ATF6: variants seen among roughly 807,000 people sequenced by gnomAD.
The protein encoded by ATF6 is cyclic AMP-dependent transcription factor ATF-6 alpha.
ATF6 carries 53 observed loss-of-function variants against 83.6 expected under a neutral mutation model. The observed-to-expected ratio is 0.63, with a 90% confidence interval of 0.51 to 0.80. The LOEUF is 0.80. ATF6 is among the 30% of genes least tolerant of loss of function. The pLI is 0.00. For synonymous variants in ATF6, 288 were observed against 285.8 expected (o/e 1.01, Z -0.08); for missense variants, 744 against 797.9 (o/e 0.93, Z 0.81).
chr1:161,903,003 T>G (rs1687817605), intron 14 of ATF6, among the ~76,000 whole-genome samples: 1 of 152,186 alleles, frequency 6.6e-6, no homozygotes, highest in Non-Finnish European at 1.5e-5. Context: ...CTACCTCTTT[T>G]CATCTTTCCA....
intron 9 of ATF6, among the ~76,000 whole-genome samples, chr1:161,842,882 C>A (rs1013986210): frequency 5.9e-5 from 9 of 152,212 alleles, no homozygotes; most frequent in African/African-American, 2.2e-4. Context: ...TCCTACCACA[C>A]AGTTCAAAAA....
In ATF6 at chr1:161,829,189, C is replaced by CTTTTTTTTTTTTTTT. The variant is rs35619050; in HGVS notation, c.1187+8039_1187+8053dup. Among the ~76,000 whole-genome samples the CTTTTTTTTTTTTTTT allele has an allele frequency of 3.7e-4, 27 of 72,594 alleles. 3 individuals are homozygous for CTTTTTTTTTTTTTTT. The highest frequency in any genetic ancestry group is 1.7e-3 in the East Asian group (3 of 1,754). The allele number at this position is 72,594 out of a possible 152,430, so 47.6% of individuals were successfully genotyped here. On this transcript the variant is annotated intron_variant, in intron 9 of 15. Coordinates refer to ENST00000367942, the MANE Select transcript of ATF6 (RefSeq NM_007348.4). ...ACTCCCACACAATCATAATGGGAGA[C>CTTTTTTTTTTTTTTT]TTTTTTTTTTTTTTTTTTTTTTTTT... is the stretch of plus-strand genomic sequence containing the variant.
chr1:161,819,892 C>G, intron 8 of ATF6, 74 bp downstream of exon 8: 1 of 1,279,390 alleles, frequency 7.8e-7, no homozygotes, highest in Non-Finnish European at 1.0e-6. Flanking sequence ...GAAACTTTTA[C>G]ATTTTAAATT....
At chr1:161,829,416 C>T (rs1319100234) in intron 9 of ATF6, among the ~76,000 whole-genome samples, 2 of 152,156 alleles carry the variant, frequency 1.3e-5, no homozygotes, top group East Asian at 3.9e-4. Context: ...ACCTAATATA[C>T]ATCTACAGAA....
chr1:161,957,343 C>G (rs553692087), intron 15 of ATF6, among the ~76,000 whole-genome samples: 1 of 152,138 alleles, frequency 6.6e-6, no homozygotes, highest in Non-Finnish European at 1.5e-5. Context: ...CCCCACACCC[C>G]GCTCTGGATT....
At chr1:161,828,019 G>A (rs1009469910) in intron 9 of ATF6, among the ~76,000 whole-genome samples, 11 of 152,040 alleles carry the variant, frequency 7.2e-5, no homozygotes, top group African/African-American at 1.9e-4. Context: ...ATGTGAATTG[G>A]TTAAAAAGAA....
chr1:161,775,802 A>C (rs949673086), intron 1 of ATF6, among the ~76,000 whole-genome samples: 1 of 152,150 alleles, frequency 6.6e-6, no homozygotes, highest in African/African-American at 2.4e-5. Context: ...TTTAGTATCC[A>C]AGATCTGGTC....
chr1:161,916,865 C>G (rs748568605), intron 15 of ATF6, among the ~76,000 whole-genome samples: 3 of 152,216 alleles, frequency 2.0e-5, no homozygotes, highest in Non-Finnish European at 4.4e-5. Flanking sequence ...GTTGTCACTA[C>G]TTCAAAAAAT....
intron 10 of ATF6, among the ~76,000 whole-genome samples, chr1:161,850,405 G>A (rs1345425986): frequency 6.6e-6 from 1 of 151,924 alleles, no homozygotes; most frequent in Non-Finnish European, 1.5e-5. Flanking sequence ...TTCTATAGAG[G>A]CGGCGTCTTC....
chr1:161,926,659 C>G lies in ATF6; in HGVS notation c.1804+14279C>G, dbSNP rs185219571. Among the ~76,000 whole-genome samples the G allele has an allele frequency of 5.2e-4, 79 of 152,190 alleles. 1 individual carries two copies. The highest frequency in any genetic ancestry group is 3.4e-3 in the Middle Eastern group (1 of 294). On this transcript the variant is annotated intron_variant, in intron 15 of 15. Transcript: ENST00000367942. ...AACCCTCGTACATTGTGGGAGGGGA[C>G]TGTACAAGGGTATGAATACCAGAAA...
intron 10 of ATF6, among the ~76,000 whole-genome samples, chr1:161,850,926 G>T (rs563547782): frequency 6.6e-6 from 1 of 151,924 alleles, no homozygotes; most frequent in Non-Finnish European, 1.5e-5. Flanking sequence ...TGCTCCCTAC[G>T]TCACACCTTG....
At chr1:161,769,565 T>A (rs1684338451) in intron 1 of ATF6, among the ~76,000 whole-genome samples, 1 of 152,158 alleles carries the variant, frequency 6.6e-6, no homozygotes, top group Non-Finnish European at 1.5e-5. Context: ...ATGATTCAAG[T>A]GCATTACATT....
chr1:161,928,890 G>A (rs190545929), intron 15 of ATF6, among the ~76,000 whole-genome samples: 73 of 152,132 alleles, frequency 4.8e-4, no homozygotes, highest in African/African-American at 1.6e-3. Context: ...GAAATCTTCC[G>A]CCCCCTATTC....
chr1:161,845,228 T>C (rs1686453893), intron 9 of ATF6, among the ~76,000 whole-genome samples: 1 of 152,204 alleles, frequency 6.6e-6, no homozygotes, highest in African/African-American at 2.4e-5. Flanking sequence ...AAACTACTAT[T>C]ATCTCAAAGA....
intron 7 of ATF6, among the ~76,000 whole-genome samples, chr1:161,810,944 C>CT (rs1685439927): frequency 6.6e-6 from 1 of 151,862 alleles, no homozygotes; most frequent in Admixed American, 6.6e-5. Context: ...AGTGTTTATT[C>CT]TTTTTTATGA....
chr1:161,917,888 C>G (rs976769350), intron 15 of ATF6, among the ~76,000 whole-genome samples: 1 of 152,122 alleles, frequency 6.6e-6, no homozygotes, highest in Non-Finnish European at 1.5e-5. Flanking sequence ...GGATACTCAA[C>G]TTTTATTCTC....
Position 161,792,250 on chromosome 1 carries a change from T to C in ATF6, c.611T>C (p.Ile204Thr), listed in dbSNP as rs1393152770. 1.2e-6 allele frequency: 2 copies of C among 1,614,146 alleles called. No homozygotes were observed. Among genetic ancestry groups the C allele is most frequent in the South Asian group, 2.2e-5 (2 of 91,080 alleles). Reference protein sequence around the residue: ...TNSSVPAKTIIIQTVPTLMPL... With the variant: ...TNSSVPAKTITIQTVPTLMPL... The stretch of plus-strand genomic sequence containing the variant: ...TCCAGTGTTCCAGCAAAAACCATCA[T>C]TATTCAGACAGTACCAACGCTTATG... The change falls in exon 6 of 16, where the codon ATT (isoleucine) becomes ACT (threonine). Residue 204 changes from isoleucine to threonine, a missense_variant. Physicochemically the swap from Ile to Thr is moderately conservative, Grantham distance 89. Transcript: ENST00000367942.
intron 14 of ATF6, among the ~76,000 whole-genome samples, chr1:161,866,358 C>T (rs970730627): frequency 6.6e-6 from 1 of 152,180 alleles, no homozygotes; most frequent in African/African-American, 2.4e-5. Flanking sequence ...AATCTCTTTA[C>T]AGTTGAGCGG....
At chr1:161,926,825 A>G (rs1226346008) in intron 15 of ATF6, among the ~76,000 whole-genome samples, 1 of 152,158 alleles carries the variant, frequency 6.6e-6, no homozygotes, top group African/African-American at 2.4e-5. Context: ...AAACTATCCT[A>G]TTACCTAGAG....
Sources: gnomAD v4.1 joint callset for allele counts (sites outside exome capture counted in the v4.1 genomes callset) on GRCh38, gnomAD v4.1.1 for gene constraint, MANE v1.5 for transcripts, NCBI Gene and HGNC (gene_info 2026-07-23, HGNC 2026-07-21) for gene names.